FREM2: variants seen among roughly 807,000 people sequenced by gnomAD.
The protein encoded by FREM2 is FRAS1 related extracellular matrix 2, also known as FRAS1-related extracellular matrix protein 2.
A neutral mutation model predicts 219.9 loss-of-function variants in FREM2; 119 were observed. The observed-to-expected ratio is 0.54, with a 90% CI of 0.47 to 0.63. The LOEUF is 0.63. FREM2 is among the 30% of genes least tolerant of loss of function. FREM2 has a pLI of 0.00. For missense variants in FREM2, 4,030 were observed against 3,993.6 expected, an observed-to-expected ratio of 1.01 and a Z score of -0.25; for synonymous variants, 1,562 against 1,522.8, an observed-to-expected ratio of 1.03 and a Z score of -0.60.
chr13:38,864,305 T>C lies in FREM2; in HGVS notation c.7682T>C (p.Leu2561Pro), dbSNP rs1280452323. The change falls in exon 16 of 24, where the codon CTT (leucine) becomes CCT (proline). Residue 2561 changes from leucine to proline, a missense_variant. By Grantham distance (98) the Leu-to-Pro change is moderately conservative. This residue lies in a region of FREM2 where 928 missense variants were observed against 1,042.9 expected (regional missense o/e 0.89). Coordinates refer to ENST00000280481, the MANE Select transcript of FREM2 (RefSeq NM_207361.6). ...CTCCCCGTGATCTCCACTAGAGAGC[T>C]TTCCAACTTTGAGCTCACCCTCAGC... ...GMLPVISTRE[L>P]SNFELTLSPD... The C allele has an allele frequency of 3.1e-6, 5 of 1,614,082 alleles. No homozygotes were observed. Among genetic ancestry groups the C allele is most frequent in the Non-Finnish European group, 4.2e-6 (5 of 1,180,014 alleles).
chr13:38,870,916 A>G (rs1358097386), intron 16 of FREM2, among the ~76,000 whole-genome samples: 4 of 152,238 alleles, frequency 2.6e-5, no homozygotes, highest in Admixed American at 2.6e-4. Context: ...TTGGAAATCT[A>G]TTCCTAAAAC....
intron 6 of FREM2, among the ~76,000 whole-genome samples, chr13:38,819,950 T>A (rs937795936): frequency 1.3e-5 from 2 of 152,148 alleles, no homozygotes; most frequent in Non-Finnish European, 2.9e-5. Context: ...ATACTCAAAG[T>A]TATTATTAGT....
intron 2 of FREM2, among the ~76,000 whole-genome samples, chr13:38,738,574 A>T (rs1465651006): frequency 1.3e-5 from 2 of 149,770 alleles, no homozygotes; most frequent in Admixed American, 6.6e-5. Flanking sequence ...TCAAAAAAAA[A>T]AAAAAAAAAA....
At chr13:38,803,784 G>A (rs1269961463) in intron 6 of FREM2, among the ~76,000 whole-genome samples, 5 of 149,996 alleles carry the variant, frequency 3.3e-5, no homozygotes, top group Non-Finnish European at 4.4e-5. Context: ...AGGCAACATG[G>A]TGAGCTCTGT....
chr13:38,864,077 C>T (rs1408636626), intron 15 of FREM2, among the ~76,000 whole-genome samples, 198 bp from the exon 16 acceptor site: 1 of 140,424 alleles, frequency 7.1e-6, no homozygotes, highest in East Asian at 2.1e-4. Context: ...GATCCACCCA[C>T]CTAGACCTCC....
intron 2 of FREM2, among the ~76,000 whole-genome samples, chr13:38,726,747 C>A (rs1459952340): frequency 2.0e-5 from 3 of 152,174 alleles, no homozygotes; most frequent in Non-Finnish European, 4.4e-5. Flanking sequence ...GTTGTCTTCC[C>A]AACCCGGTCC....
intron 4 of FREM2, among the ~76,000 whole-genome samples, chr13:38,775,196 A>G (rs1173407428): frequency 6.6e-6 from 1 of 152,234 alleles, no homozygotes; most frequent in Non-Finnish European, 1.5e-5. Context: ...ATGAAACTCA[A>G]ACATTCATTC....
chr13:38,853,922 CA>C (rs1238452441), intron 11 of FREM2, among the ~76,000 whole-genome samples: 1 of 151,488 alleles, frequency 6.6e-6, no homozygotes, highest in Non-Finnish European at 1.5e-5. Context: ...TAAACGGAAA[CA>C]AAATTATAGC....
chr13:38,687,906 C>G lies in FREM2; in HGVS notation c.562C>G (p.Leu188Val). Residue 188 changes from leucine to valine, a missense_variant, in exon 1 of 24, where the codon CTG (leucine) becomes GTG (valine). Transcript: ENST00000280481. ...QLEVVTRNLP[L>V]VVEELLGTSN... ...GGAGGTTGTGACTCGGAACTTGCCT[C>G]TGGTCGTGGAAGAGCTGCTGGGGAC... 6.3e-7 allele frequency: 1 copy of G among 1,592,618 alleles called. No homozygotes were observed. The highest frequency in any genetic ancestry group is 8.6e-7 in the Non-Finnish European group (1 of 1,167,954).
At position 38,691,344 on chromosome 13, in the gene FREM2, T is replaced by G. The variant is rs779288862; in HGVS notation, c.4000T>G (p.Ser1334Ala). Residue 1334 changes from serine to alanine, a missense_variant, in exon 1 of 24, where the codon TCA becomes GCA. Around this residue, in one of 2 missense-constraint regions of FREM2, gnomAD observed 3,102 missense variants for 2,950.7 expected, o/e 1.05. Coordinates refer to ENST00000280481, the MANE Select transcript of FREM2 (RefSeq NM_207361.6). ...NKILMATDLD[S>A]EDKSLVYIIR... ...AATATTAATGGCAACAGATTTAGAT[T>G]CAGAAGACAAATCTTTGGTTTATAT... is the stretch of plus-strand genomic sequence containing the variant. 6.2e-7 allele frequency: 1 copy of G among 1,613,968 alleles called. No individual in the cohort carries two copies. Among genetic ancestry groups the G allele is most frequent in the Non-Finnish European group, 8.5e-7 (1 of 1,179,852 alleles).
intron 15 of FREM2, among the ~76,000 whole-genome samples, 158 bp from the exon 16 acceptor site, chr13:38,864,117 C>T (rs976052454): frequency 2.0e-5 from 3 of 152,096 alleles, no homozygotes; most frequent in Admixed American, 6.5e-5. Context: ...GCATGAGCCA[C>T]GTCACCGGGC....
At position 38,687,811 on chromosome 13, in the gene FREM2, G is replaced by A. The variant is rs759269194; in HGVS notation, c.467G>A (p.Arg156His). The change falls in exon 1 of 24, where the codon CGC (arginine) becomes CAC (histidine). Residue 156 changes from arginine to histidine, a missense_variant. Physicochemically the swap from Arg to His is conservative, Grantham distance 29. Transcript: ENST00000280481. ...CGGGACCGCGTCCGGCTGCAGCTGC[G>A]CTATGACGCGCCCGGAGGGGCAGTA... Reference protein sequence around the residue: ...PSRDRVRLQLRYDAPGGAVVL... With the variant: ...PSRDRVRLQLHYDAPGGAVVL... The A allele has an allele frequency of 2.6e-6, 4 of 1,544,164 alleles. No individual in the cohort carries two copies. The highest frequency in any genetic ancestry group is 1.4e-5 in the African/African-American group (1 of 73,802).
rs186483764 is a variant in FREM2, at chr13:38,708,804, C to T, written c.5263+11017C>T. ...GACAGAATTTCTCTTTTGTTGCCCA[C>T]GCTGGAATGCAATGGTGCGATCTTG... On this transcript the variant is annotated intron_variant, in intron 2 of 23. Transcript: ENST00000280481. Among the ~76,000 whole-genome samples, 632 of 152,186 alleles carry T rather than the reference C, an allele frequency of 4.2e-3. 3 individuals carry two copies. The highest frequency in any genetic ancestry group is 6.0e-3 in the Non-Finnish European group (410 of 68,016).
rs370659727 is a variant in FREM2 at position 38,802,720 on chromosome 13, G to A, written c.6019+17912G>A. Among the ~76,000 whole-genome samples, 11 of 152,328 alleles carry A rather than the reference G, an allele frequency of 7.2e-5. No individual in the cohort carries two copies. The East Asian group carries it at 2.1e-3, about 29-fold the overall frequency. On this transcript the variant is annotated intron_variant, in intron 6 of 23. Coordinates refer to ENST00000280481, the MANE Select transcript of FREM2 (RefSeq NM_207361.6). ...AGAATGGCACCAAGCTGTAGCTGCT[G>A]AAGGCTCAGAAGCCTGTGGTACTCA...
chr13:38,701,102 C>G (rs1462654418), intron 2 of FREM2, among the ~76,000 whole-genome samples: 3 of 151,890 alleles, frequency 2.0e-5, no homozygotes, highest in Non-Finnish European at 4.4e-5. Context: ...GGTACTAAGT[C>G]TAGTACCCAA....
intron 11 of FREM2, among the ~76,000 whole-genome samples, chr13:38,852,567 A>G (rs111755901): frequency 0.011 from 1,642 of 152,296 alleles, 38 homozygotes; most frequent in African/African-American, 0.037. Context: ...CTAAACCAAA[A>G]AATTTTGTGT....
intron 17 of FREM2, 41 bp downstream of exon 17, chr13:38,872,975 C>G (rs772532311): frequency 1.3e-6 from 2 of 1,563,458 alleles, no homozygotes; most frequent in South Asian, 1.1e-5. Flanking sequence ...GTTTTGTAAC[C>G]TATTTAAACT....
intron 2 of FREM2, among the ~76,000 whole-genome samples, chr13:38,704,160 T>C (rs1312550318): frequency 1.3e-5 from 2 of 152,176 alleles, no homozygotes; most frequent in Non-Finnish European, 2.9e-5. Flanking sequence ...GTGAATCTTA[T>C]TGGCTAAAGC....
rs1256141351 is a variant in FREM2, at chr13:38,851,691, G to C, written c.6748G>C (p.Val2250Leu). Residue 2250 changes from valine (V) to leucine (L), a missense_variant, in exon 11 of 24, where the codon GTT becomes CTT. Around this residue, in one of 2 missense-constraint regions of FREM2, gnomAD observed 3,102 missense variants for 2,950.7 expected, o/e 1.05. Coordinates refer to ENST00000280481, the MANE Select transcript of FREM2 (RefSeq NM_207361.6). Reference sequence around the variant, plus strand: ...TTTGTTTCCCACAATTTTAGAGACTGTTATTAAATTTGGAGAAACCAAATT... The same window carrying C: ...TTTGTTTCCCACAATTTTAGAGACTCTTATTAAATTTGGAGAAACCAAATT... Reference protein sequence around the residue: ...IRIRDDADKTVIKFGETKFSV... With the variant: ...IRIRDDADKTLIKFGETKFSV... The C allele has an allele frequency of 6.2e-7, 1 of 1,604,202 alleles. No individual in the cohort carries two copies. Among genetic ancestry groups the C allele is most frequent in the Non-Finnish European group, 8.5e-7 (1 of 1,171,340 alleles).
Sources: gnomAD v4.1 joint callset for allele counts (sites outside exome capture counted in the v4.1 genomes callset) on GRCh38, gnomAD v4.1.1 for gene constraint, gnomAD v4.1.1 regional missense constraint, MANE v1.5 for transcripts, NCBI Gene and HGNC (gene_info 2026-07-23, HGNC 2026-07-21) for gene names.